Variants in RFFL observed in about 807,000 individuals in gnomAD.
RFFL encodes the protein E3 ubiquitin-protein ligase rififylin.
In RFFL, 16 loss-of-function variants were observed where a neutral mutation model predicts 40.4. The ratio of observed to expected loss-of-function variants is 0.40; its 90% confidence interval spans 0.27 to 0.60. The LOEUF is 0.60. Among genes scored for constraint, RFFL ranks in the 20% least tolerant of loss-of-function variants. RFFL has a pLI of 0.47. For synonymous variants in RFFL, 154 were observed against 167.9 expected (o/e 0.92, Z 0.64); for missense variants, 367 against 451.7 (o/e 0.81, Z 1.70).
chr17:35,085,013 T>C (rs2091422364), intron 1 of RFFL, among the ~76,000 whole-genome samples: 1 of 152,092 alleles, frequency 6.6e-6, no homozygotes, highest in Admixed American at 6.5e-5. Context: ...AATTATAAAA[T>C]TGAAAAAATA....
At chr17:35,037,971 A>G (rs547795048) in intron 1 of RFFL, among the ~76,000 whole-genome samples, 52 of 152,304 alleles carry the variant, frequency 3.4e-4, no homozygotes, top group African/African-American at 1.2e-3. Flanking sequence ...AAGAGATACT[A>G]GCAAATGTTG....
At position 35,011,981 on chromosome 17, in the gene RFFL, A is replaced by T; in HGVS notation, c.1079T>A (p.Val360Asp). ...CGATGCAAGCTCTCAGGACCGGAAG[A>T]CATGCACAGCTCGGATTACATACTG... ...CRQYVIRAVH[V>D]FRS Residue 360 changes from valine to aspartate, a missense_variant, in exon 7 of 7, where the codon GTC becomes GAC. Transcript: ENST00000394597. 6.2e-7 allele frequency: 1 copy of T among 1,614,158 alleles called. No homozygotes were observed. The highest frequency in any genetic ancestry group is 8.5e-7 in the Non-Finnish European group (1 of 1,180,000).
At chr17:35,087,080 C>A (rs555781445) in intron 1 of RFFL, among the ~76,000 whole-genome samples, 1 of 152,296 alleles carries the variant, frequency 6.6e-6, no homozygotes, top group South Asian at 2.1e-4. Context: ...GGTGTTCCGG[C>A]CTGGCGCGGT....
chr17:35,017,612 G>A lies in RFFL; in HGVS notation c.592-6C>T. The A allele has an allele frequency of 6.2e-7, 1 of 1,600,518 alleles. No homozygotes were observed. Among genetic ancestry groups the A allele is most frequent in the South Asian group, 1.1e-5 (1 of 89,454 alleles). On this transcript the variant is annotated splice_region_variant and splice_polypyrimidine_tract_variant and intron_variant, in intron 3 of 6. Transcript: ENST00000394597. Reference sequence around the variant, plus strand: ...TGAGACACATGGCCATTGGCCTGTGGGAAGAGAAAAGTAACATCACATCTA... The same window carrying A: ...TGAGACACATGGCCATTGGCCTGTGAGAAGAGAAAAGTAACATCACATCTA...
At chr17:35,021,890 TCTTA>T (rs2142322584) in intron 2 of RFFL, 109 bp from the exon 3 acceptor site, 1 of 1,078,498 alleles carries the variant, frequency 9.3e-7, no homozygotes, top group African/African-American at 1.6e-5. Context: ...CTCCAGTCAC[TCTTA>T]CTTTTACTAA....
At chr17:35,058,208 A>G (rs1435495877) in intron 1 of RFFL, among the ~76,000 whole-genome samples, 6 of 152,020 alleles carry the variant, frequency 3.9e-5, no homozygotes, top group Non-Finnish European at 5.9e-5. Flanking sequence ...CTTACATATT[A>G]TATCTATCTA....
rs187406970 is a variant in RFFL, at chr17:35,081,999, A to G, written c.-9+7106T>C. ...TAGATGTAAAAATTCAACTGACATC[A>G]TAATTCAATATAGAAAATAAATATA... On this transcript the variant is annotated intron_variant, in intron 1 of 6. Transcript: ENST00000315249. Among the ~76,000 whole-genome samples the G allele has an allele frequency of 5.2e-3, 727 of 139,858 alleles. 2 individuals carry two copies. Among genetic ancestry groups the G allele is most frequent in the Admixed American group, 7.7e-3 (114 of 14,840 alleles). The allele number at this position is 139,858 out of a possible 152,430, so 91.8% of individuals were successfully genotyped here.
intron 3 of RFFL, 55 bp from the exon 4 acceptor site, chr17:35,017,661 G>T: frequency 8.4e-7 from 1 of 1,183,672 alleles, no homozygotes; most frequent in South Asian, 1.3e-5. Context: ...GATCTGCATA[G>T]CATGGGCCTC....
At chr17:35,051,154 AAAC>A (rs1294240936) in intron 1 of RFFL, among the ~76,000 whole-genome samples, 1 of 152,232 alleles carries the variant, frequency 6.6e-6, no homozygotes, top group Non-Finnish European at 1.5e-5. Flanking sequence ...AAACTAGGAT[AAAC>A]AACCATGCCC....
intron 1 of RFFL, among the ~76,000 whole-genome samples, chr17:35,063,020 G>T (rs986756410): frequency 1.3e-5 from 2 of 152,090 alleles, no homozygotes; most frequent in African/African-American, 4.8e-5. Flanking sequence ...TTTGACTAAA[G>T]TGTTTCTCAC....
chr17:35,063,380 G>A (rs1367727218), intron 1 of RFFL, among the ~76,000 whole-genome samples, 196 bp downstream of exon 1: 5 of 135,788 alleles, frequency 3.7e-5, no homozygotes, highest in Non-Finnish European at 6.2e-5. Flanking sequence ...ACTTGAACCC[G>A]GGAGGTGAAG....
At position 35,011,845 on chromosome 17, in the gene RFFL, T is replaced by G. The variant is rs1236554964; in HGVS notation, c.*123A>C. Reference sequence around the variant, plus strand: ...CTCAGGGGTGACATGGCATCTTGCTTGACCTGGTTTTGGGAACCCTGCAAT... The same window carrying G: ...CTCAGGGGTGACATGGCATCTTGCTGGACCTGGTTTTGGGAACCCTGCAAT... On this transcript the variant is annotated 3_prime_UTR_variant, in exon 7 of 7. Transcript: ENST00000394597. The G allele has an allele frequency of 1.1e-6, 1 of 929,052 alleles. No homozygotes were observed. Among genetic ancestry groups the G allele is most frequent in the Non-Finnish European group, 1.7e-6 (1 of 600,276 alleles). 57.6% of individuals were successfully genotyped at this position (929,052 alleles called of 1,614,324 possible). A position where few individuals can be genotyped will look rare whatever the true frequency, so the allele number is the denominator to read the frequency against.
chr17:35,049,962 A>C (rs1343282270), intron 1 of RFFL, among the ~76,000 whole-genome samples: 1 of 152,012 alleles, frequency 6.6e-6, no homozygotes, highest in South Asian at 2.1e-4. Flanking sequence ...GGCACCTGTA[A>C]TCTCAGCTAC....
upstream of RFFL, among the ~76,000 whole-genome samples, chr17:35,065,448 C>T (rs1473930086): frequency 2.7e-5 from 4 of 150,872 alleles, no homozygotes; most frequent in East Asian, 2.0e-4. Context: ...CCCAGCTACT[C>T]GGGAGGCTGA....
At chr17:35,015,092 G>T (rs57324726) in intron 5 of RFFL, among the ~76,000 whole-genome samples, 2,412 of 152,226 alleles carry the variant, frequency 0.016, 40 homozygotes, top group South Asian at 0.046. Context: ...TCGGCCTCCT[G>T]AGTACCTGGG....
Position 35,030,677 on chromosome 17 carries a change from C to T in RFFL, c.-8-4116G>A, listed in dbSNP as rs146924042. On this transcript the variant is annotated intron_variant, in intron 1 of 6. Transcript: ENST00000394597. ...CTCAAACTCCTGACCTCAAGTGATC[C>T]ACCTGCCTTGGCCTCCCAAAGTGCT... Among the ~76,000 whole-genome samples, 7 of 151,810 alleles carry T rather than the reference C, an allele frequency of 4.6e-5. No homozygotes were observed. The East Asian group carries it at 1.4e-3, about 29-fold the overall frequency.
At chr17:35,082,275 A>G (rs988898727) in intron 1 of RFFL, among the ~76,000 whole-genome samples, 4 of 152,214 alleles carry the variant, frequency 2.6e-5, no homozygotes, top group African/African-American at 9.6e-5. Flanking sequence ...AAAAGAGGGA[A>G]AAGGAGGAGA....
upstream of RFFL, among the ~76,000 whole-genome samples, chr17:35,067,568 C>T (rs1293002501): frequency 6.6e-6 from 1 of 151,576 alleles, no homozygotes; most frequent in East Asian, 1.9e-4. Context: ...AGCGATTCTC[C>T]TGCCTCAGCC....
rs909220674 is a variant in RFFL at position 35,007,476 on chromosome 17, A to T, written c.*4492T>A. 1.5e-4 allele frequency: 23 copies of T among 152,342 alleles called. No homozygotes were observed. Among genetic ancestry groups the T allele is most frequent in the African/African-American group, 5.1e-4 (21 of 41,552 alleles). 9.4% of individuals were successfully genotyped at this position (152,342 alleles called of 1,614,324 possible). A position where few individuals can be genotyped will look rare whatever the true frequency, so the allele number is the denominator to read the frequency against. On this transcript the variant is annotated 3_prime_UTR_variant, in exon 7 of 7. Coordinates refer to ENST00000394597, the MANE Select transcript of RFFL (RefSeq NM_001017368.2). ...GAACCTCTACATGCTGCTGGCTGGC[A>T]TCAAGCAGAGGTCATCACTGGGTGC...
Sources: allele counts gnomAD v4.1 joint callset (sites outside exome capture counted in the v4.1 genomes callset), GRCh38; gene constraint gnomAD v4.1.1; transcripts MANE v1.5; gene names NCBI Gene and HGNC (gene_info 2026-07-23, HGNC 2026-07-21).